The following CUBN variants were observed in gnomAD, a reference collection of about 807,000 sequenced individuals.
CUBN encodes 460 kDa receptor.
A neutral mutation model predicts 405.3 loss-of-function variants in CUBN; 282 were observed. The ratio of observed to expected loss-of-function variants is 0.70; its 90% CI spans 0.63 to 0.77. The LOEUF (loss-of-function observed/expected upper bound fraction) is 0.77, where lower values mean the gene tolerates loss of function less well. Among genes scored for constraint, CUBN ranks in the 30% least tolerant of loss-of-function variants. The pLI, the probability that CUBN is intolerant of heterozygous loss-of-function variation, is 0.00. For synonymous variants in CUBN, 1,684 were observed against 1,617.0 expected (o/e 1.04, Z -0.99); for missense variants, 4,514 against 4,475.2 (o/e 1.01, Z -0.25).
intron 53 of CUBN, among the ~76,000 whole-genome samples, chr10:16,900,265 A>G (rs576487774): frequency 3.9e-5 from 6 of 152,168 alleles, no homozygotes; most frequent in African/African-American, 7.2e-5. Flanking sequence ...ATTCCAACTC[A>G]TGTTTCTATT....
chr10:16,877,187 T>A, intron 56 of CUBN, 90 bp from the exon 57 acceptor site: 2 of 1,048,156 alleles, frequency 1.9e-6, no homozygotes, highest in African/African-American at 1.6e-5. Flanking sequence ...TGATGATGAC[T>A]CATGCAATTG....
chr10:16,875,746 C>T (rs538967129), intron 57 of CUBN, among the ~76,000 whole-genome samples: 1 of 152,358 alleles, frequency 6.6e-6, no homozygotes, highest in East Asian at 1.9e-4. Context: ...ATCAACGACA[C>T]TCTTTAAGTG....
At chr10:17,036,798 T>C (rs755365522) in intron 27 of CUBN, among the ~76,000 whole-genome samples, 1 of 152,162 alleles carries the variant, frequency 6.6e-6, no homozygotes, top group Non-Finnish European at 1.5e-5. Context: ...ATGCAAAACA[T>C]TGATTTCTCT....
At position 17,101,025 on chromosome 10, in the gene CUBN, A is replaced by C. The variant is rs1463666353; in HGVS notation, c.1531-786T>G. On this transcript the variant is annotated intron_variant, in intron 13 of 66. Transcript: ENST00000377833. ...TCATTTGAGATAAACAATCAAAAGA[A>C]GGCTGTCGAATTTAATTTTCATCAG... is the stretch of plus-strand genomic sequence containing the variant. Among the ~76,000 whole-genome samples the C allele has an allele frequency of 5.3e-5, 8 of 152,244 alleles. No homozygotes were observed. The East Asian group carries it at 1.5e-3, about 29-fold the overall frequency.
intron 27 of CUBN, among the ~76,000 whole-genome samples, chr10:17,039,934 T>C (rs1834979999): frequency 6.6e-6 from 1 of 152,244 alleles, no homozygotes; most frequent in Admixed American, 6.5e-5. Flanking sequence ...GAATGCTTTG[T>C]TGTCACTCTT....
chr10:17,085,735 C>T lies in CUBN; in HGVS notation c.1972G>A (p.Asp658Asn). ...GTGCAGAACTTCCCAAGAAGGGGGTCCTGATACAAAGGACCATCTCGAATC... is the reference window on the plus strand; with the variant it reads ...GTGCAGAACTTCCCAAGAAGGGGGTTCTGATACAAAGGACCATCTCGAATC... Reference protein sequence around the residue: ...LEIRDGPLYQDPLLGKFCTTF... With the variant: ...LEIRDGPLYQNPLLGKFCTTF... Residue 658 changes from aspartate to asparagine, a missense_variant, in exon 16 of 67, where the codon GAC becomes AAC. Around this residue, in one of 5 missense-constraint regions of CUBN, gnomAD observed 1,448 missense variants for 1,388.0 expected, o/e 1.04. Transcript: ENST00000377833. 6.2e-7 allele frequency: 1 copy of T among 1,613,864 alleles called. No individual in the cohort carries two copies.
chr10:17,117,723 C>T (rs963170775), intron 6 of CUBN, among the ~76,000 whole-genome samples: 3 of 152,164 alleles, frequency 2.0e-5, no homozygotes, highest in Non-Finnish European at 2.9e-5. Flanking sequence ...AGCCACCGCA[C>T]CCTGCTGAAG....
At chr10:16,833,229 G>A (rs2131306957) in intron 64 of CUBN, among the ~76,000 whole-genome samples, 1 of 152,270 alleles carries the variant, frequency 6.6e-6, no homozygotes, top group Middle Eastern at 3.4e-3. Context: ...CATTCTTTCT[G>A]CTTTACACTT....
chr10:17,054,813 A>G (rs1395561585), intron 22 of CUBN, among the ~76,000 whole-genome samples: 3 of 152,120 alleles, frequency 2.0e-5, no homozygotes, highest in Non-Finnish European at 2.9e-5. Context: ...TAAATTTGTA[A>G]TATAAAACCT....
chr10:17,048,151 C>T (rs953210789), intron 22 of CUBN, among the ~76,000 whole-genome samples: 13 of 152,254 alleles, frequency 8.5e-5, no homozygotes, highest in African/African-American at 3.1e-4. Context: ...TTAGTTCTCA[C>T]ATCTCGCAAA....
intron 54 of CUBN, among the ~76,000 whole-genome samples, chr10:16,898,191 C>T (rs1444343048): frequency 6.6e-6 from 1 of 151,600 alleles, no homozygotes; most frequent in African/African-American, 2.4e-5. Flanking sequence ...ACAATAAAAG[C>T]CACTTTGACT....
intron 27 of CUBN, among the ~76,000 whole-genome samples, chr10:17,037,555 C>T (rs1263874710): frequency 6.6e-6 from 1 of 152,172 alleles, no homozygotes; most frequent in East Asian, 1.9e-4. Context: ...TAATACGGTT[C>T]CAACCTACTT....
intron 58 of CUBN, among the ~76,000 whole-genome samples, chr10:16,870,572 C>T (rs1349739605): frequency 6.6e-6 from 1 of 152,166 alleles, no homozygotes; most frequent in African/African-American, 2.4e-5. Context: ...TATTACTTTA[C>T]GGAAGAAGCT....
intron 60 of CUBN, 92 bp from the exon 61 acceptor site, chr10:16,841,139 G>C (rs565583251): frequency 3.7e-4 from 389 of 1,055,688 alleles, no homozygotes; most frequent in Non-Finnish European, 5.0e-4. Flanking sequence ...ATAGGTCACG[G>C]TAAACATTTT....
chr10:17,050,341 T>C (rs1318113908), intron 22 of CUBN, among the ~76,000 whole-genome samples: 1 of 152,246 alleles, frequency 6.6e-6, no homozygotes, highest in Non-Finnish European at 1.5e-5. Context: ...TGTACGACTC[T>C]TGATTTCCTT....
chr10:16,984,107 C>G lies in CUBN; in HGVS notation c.4523G>C (p.Gly1508Ala). 1 of 1,614,156 alleles carries G rather than the reference C, an allele frequency of 6.2e-7. No homozygotes were observed. Among genetic ancestry groups the G allele is most frequent in the Non-Finnish European group, 8.5e-7 (1 of 1,180,024 alleles). Residue 1508 changes from glycine (G) to alanine (A), a missense_variant and splice_region_variant, in exon 30 of 67, where the codon GGA (glycine) becomes GCA (alanine). Gly to Ala is a moderately conservative substitution (Grantham distance 60). Around this residue, in one of 5 missense-constraint regions of CUBN, gnomAD observed 1,613 missense variants for 1,542.8 expected, o/e 1.05. Coordinates refer to ENST00000377833, the MANE Select transcript of CUBN (RefSeq NM_001081.4). Reference protein sequence around the residue: ...GFNASWQAVTGGCGGIFQAPS... With the variant: ...GFNASWQAVTAGCGGIFQAPS... The stretch of plus-strand genomic sequence containing the variant: ...GGAAACCTCCTTTTCTCACTCACCT[C>G]CAGTGACTGCTTGCCATGACGCATT...
chr10:17,114,015 C>T lies in CUBN; in HGVS notation c.883+12G>A, dbSNP rs1836826775. ...GGCATGCAGAGCCTGGCTTGTGGCC[C>T]TGAGAATGTACCTGTTGGACAGGCC... On this transcript the variant is annotated intron_variant, in intron 8 of 66. Coordinates refer to ENST00000377833, the MANE Select transcript of CUBN (RefSeq NM_001081.4). The T allele has an allele frequency of 6.2e-7, 1 of 1,611,006 alleles. No homozygotes were observed. The highest frequency in any genetic ancestry group is 8.5e-7 in the Non-Finnish European group (1 of 1,178,754).
chr10:17,029,405 T>C (rs1463838014), intron 27 of CUBN, among the ~76,000 whole-genome samples: 1 of 152,208 alleles, frequency 6.6e-6, no homozygotes, highest in African/African-American at 2.4e-5. Flanking sequence ...AAAACCAAAA[T>C]TTCTTCTAAA....
intron 58 of CUBN, among the ~76,000 whole-genome samples, chr10:16,873,421 T>C (rs918459849): frequency 1.3e-5 from 2 of 152,056 alleles, no homozygotes; most frequent in Non-Finnish European, 2.9e-5. Flanking sequence ...CTTAAGTAGT[T>C]AGAAAATGTA....
Sources: gnomAD v4.1 joint callset for allele counts (sites outside exome capture counted in the v4.1 genomes callset) on GRCh38, gnomAD v4.1.1 for gene constraint, gnomAD v4.1.1 regional missense constraint, MANE v1.5 for transcripts, NCBI Gene and HGNC (gene_info 2026-07-23, HGNC 2026-07-21) for gene names.